The following PRKCE variants were observed in gnomAD, a reference collection of about 807,000 sequenced individuals.
The protein encoded by PRKCE is protein kinase C epsilon type.
Under a neutral mutation model 85.4 loss-of-function variants are expected in PRKCE, and 16 were observed. The ratio of observed to expected loss-of-function variants is 0.19; its 90% CI spans 0.13 to 0.28. The LOEUF is 0.28. Ranked by LOEUF, PRKCE falls within the 10% of genes least tolerant of loss-of-function variation. The pLI is 1.00. For synonymous variants in PRKCE, 388 were observed against 371.5 expected (o/e 1.04, Z -0.51); for missense variants, 573 against 975.2 (o/e 0.59, Z 5.49).
Position 46,185,507 on chromosome 2 carries a change from G to A in PRKCE, c.*626G>A, listed in dbSNP as rs1680387587. 9.8e-5 allele frequency: 15 copies of A among 152,712 alleles called. No individual in the cohort carries two copies. The highest frequency in any genetic ancestry group is 9.8e-4 in the Admixed American group (15 of 15,292). 9.5% of individuals were successfully genotyped at this position (152,712 alleles called of 1,614,324 possible). ...TAGCTTTTCAGCATGCCAAAGTCATGTAAGTTTGTGTCTTGTGGAAGAAAT... is the reference window on the plus strand; with the variant it reads ...TAGCTTTTCAGCATGCCAAAGTCATATAAGTTTGTGTCTTGTGGAAGAAAT... On this transcript the variant is annotated 3_prime_UTR_variant, in exon 15 of 15. Coordinates refer to ENST00000306156, the MANE Select transcript of PRKCE (RefSeq NM_005400.3). The surrounding 1 kb of genome is among the most constrained non-coding windows in gnomAD (Gnocchi z 4.7).
intron 1 of PRKCE, among the ~76,000 whole-genome samples, chr2:45,747,546 C>G (rs76744902): frequency 0.11 from 16,478 of 152,208 alleles, 1,013 homozygotes; most frequent in Middle Eastern, 0.18. Flanking sequence ...AACTGCCCTC[C>G]TTTTTTAAGG....
chr2:46,014,757 G>A (rs1705982887), intron 10 of PRKCE, among the ~76,000 whole-genome samples: 2 of 152,158 alleles, frequency 1.3e-5, no homozygotes, highest in Admixed American at 1.3e-4. Flanking sequence ...AGACATGCAA[G>A]GAGGCAGTCA....
At chr2:46,179,503 C>T (rs1030605245) in intron 14 of PRKCE, among the ~76,000 whole-genome samples, 1 of 152,134 alleles carries the variant, frequency 6.6e-6, no homozygotes, top group Admixed American at 6.5e-5. Flanking sequence ...ATGTGCCCTT[C>T]CCCCAGAGTC....
chr2:45,750,762 C>T (rs981339298), intron 1 of PRKCE, among the ~76,000 whole-genome samples: 2 of 152,114 alleles, frequency 1.3e-5, no homozygotes, highest in Non-Finnish European at 2.9e-5. Context: ...AGAACAGTGT[C>T]TGAATGTGGG....
At chr2:46,102,845 A>G (rs927081488) in intron 11 of PRKCE, among the ~76,000 whole-genome samples, 2 of 152,188 alleles carry the variant, frequency 1.3e-5, no homozygotes, top group Admixed American at 1.3e-4. Context: ...TACTATCAAC[A>G]TGACTTATCA....
chr2:45,951,938 T>G (rs112799538), intron 2 of PRKCE, among the ~76,000 whole-genome samples: 43 of 152,366 alleles, frequency 2.8e-4, no homozygotes, highest in African/African-American at 1.0e-3. Flanking sequence ...GTTCAAGCTA[T>G]TCTCATGCCT....
chr2:45,715,757 A>T (rs1009253440), intron 1 of PRKCE, among the ~76,000 whole-genome samples: 5 of 152,138 alleles, frequency 3.3e-5, no homozygotes, highest in African/African-American at 4.8e-5. Context: ...CACTACACGA[A>T]CTGCCTTTCT....
At chr2:45,987,515 A>C (rs1214008987) in intron 6 of PRKCE, among the ~76,000 whole-genome samples, 1 of 151,968 alleles carries the variant, frequency 6.6e-6, no homozygotes, top group African/African-American at 2.4e-5. Flanking sequence ...TATTTTTTTA[A>C]GAGCATTTTT....
intron 2 of PRKCE, among the ~76,000 whole-genome samples, chr2:45,976,104 C>G (rs1702433925): frequency 6.6e-6 from 1 of 152,190 alleles, no homozygotes; most frequent in Admixed American, 6.5e-5. Flanking sequence ...AACCTTGAGC[C>G]TTTTGACCCC....
chr2:46,106,257 C>G (rs769764141), intron 11 of PRKCE, among the ~76,000 whole-genome samples: 1 of 152,204 alleles, frequency 6.6e-6, no homozygotes, highest in Non-Finnish European at 1.5e-5. Flanking sequence ...ATGTCTAATT[C>G]TAATCTGTTA....
intron 10 of PRKCE, among the ~76,000 whole-genome samples, chr2:46,050,070 C>G (rs1708760736): frequency 6.6e-6 from 1 of 152,242 alleles, no homozygotes; most frequent in Non-Finnish European, 1.5e-5. Context: ...CACTGGCTCC[C>G]ATTGCCCGCC....
chr2:46,126,352 G>A (rs1478477360), intron 11 of PRKCE, among the ~76,000 whole-genome samples: 1 of 152,068 alleles, frequency 6.6e-6, no homozygotes, highest in African/African-American at 2.4e-5. Flanking sequence ...GCTGCCTATT[G>A]GGGGCATTCA....
At chr2:45,785,577 G>A (rs1217136259) in intron 1 of PRKCE, among the ~76,000 whole-genome samples, 1 of 152,168 alleles carries the variant, frequency 6.6e-6, no homozygotes, top group Non-Finnish European at 1.5e-5. Context: ...AGAGGTTTGA[G>A]AAACGCTGTA....
chr2:45,821,453 A>T (rs1689524372), intron 1 of PRKCE, among the ~76,000 whole-genome samples: 1 of 152,092 alleles, frequency 6.6e-6, no homozygotes, highest in Non-Finnish European at 1.5e-5. Flanking sequence ...TACCTGTGGA[A>T]CCTACCTGGG....
At chr2:46,072,298 C>T (rs115737203) in intron 10 of PRKCE, among the ~76,000 whole-genome samples, 11 of 152,112 alleles carry the variant, frequency 7.2e-5, no homozygotes, top group African/African-American at 1.9e-4. Context: ...TGTATGTTTA[C>T]GTTAGTGTAT....
In PRKCE at chr2:45,973,598, G is replaced by C. The variant is rs903343190; in HGVS notation, c.413-2831G>C. Among the ~76,000 whole-genome samples, 4 of 152,176 alleles carry C rather than the reference G, an allele frequency of 2.6e-5. No homozygotes were observed. In the South Asian group the frequency reaches 8.3e-4, roughly 31 times the overall value. ...ATCCTTGGCTGTCTGCCTAGCCTGTGCCTGAGACTCCCCCTCCACACCCCT... is the reference window on the plus strand; with the variant it reads ...ATCCTTGGCTGTCTGCCTAGCCTGTCCCTGAGACTCCCCCTCCACACCCCT... On this transcript the variant is annotated intron_variant, in intron 2 of 14. Coordinates refer to ENST00000306156, the MANE Select transcript of PRKCE (RefSeq NM_005400.3).
At chr2:46,032,802 T>C (rs1025892746) in intron 10 of PRKCE, among the ~76,000 whole-genome samples, 5 of 152,250 alleles carry the variant, frequency 3.3e-5, no homozygotes, top group African/African-American at 7.2e-5. Context: ...GGGTAAAGTT[T>C]ATCTTCCAAG....
chr2:45,918,047 G>A (rs905892610), intron 2 of PRKCE, among the ~76,000 whole-genome samples: 3 of 152,250 alleles, frequency 2.0e-5, no homozygotes, highest in Non-Finnish European at 2.9e-5. Context: ...GTTCCCGCTG[G>A]CGCCTCTCCC....
At chr2:45,885,674 T>A in intron 2 of PRKCE, among the ~76,000 whole-genome samples, 1 of 152,178 alleles carries the variant, frequency 6.6e-6, no homozygotes, top group East Asian at 1.9e-4. Flanking sequence ...TAGGATTTAG[T>A]TCTCTAGCCA....
Sources: allele counts gnomAD v4.1 joint callset (sites outside exome capture counted in the v4.1 genomes callset), GRCh38; gene constraint gnomAD v4.1.1; non-coding constraint Gnocchi (gnomAD v3.1); transcripts MANE v1.5; gene names NCBI Gene and HGNC (gene_info 2026-07-23, HGNC 2026-07-21).